CREB5: variants seen among roughly 807,000 people sequenced by gnomAD.
CREB5 encodes the protein cAMP responsive element binding protein 5, also known as cyclic AMP-responsive element-binding protein 5.
CREB5 carries 19 observed loss-of-function variants against 57.1 expected under a neutral mutation model. The ratio of observed to expected loss-of-function variants is 0.33; its 90% CI spans 0.23 to 0.49. The LOEUF (loss-of-function observed/expected upper bound fraction) is 0.49. Among genes scored for constraint, CREB5 ranks in the 20% least tolerant of loss-of-function variants. The pLI, the probability that CREB5 is intolerant of heterozygous loss-of-function variation, is 0.99. For synonymous variants in CREB5, 238 were observed against 238.3 expected (o/e 1.00, Z 0.01); for missense variants, 579 against 671.6 (o/e 0.86, Z 1.52).
intron 4 of CREB5, among the ~76,000 whole-genome samples, chr7:28,550,648 G>A (rs1794600668): frequency 6.6e-6 from 1 of 152,088 alleles, no homozygotes; most frequent in Non-Finnish European, 1.5e-5. Context: ...ATGTTCTTGG[G>A]CTGTCCCCAG....
intron 5 of CREB5, chr7:28,615,474 G>A (rs1454780225): frequency 1.3e-5 from 2 of 152,276 alleles, no homozygotes; most frequent in Non-Finnish European, 2.9e-5. Flanking sequence ...CAGTGTCCTC[G>A]AGCAGACAGG....
chr7:28,461,597 C>G (rs982564269), intron 1 of CREB5, among the ~76,000 whole-genome samples: 1 of 152,124 alleles, frequency 6.6e-6, no homozygotes, highest in African/African-American at 2.4e-5. Context: ...CTGATGTGAG[C>G]TAATGGCTGA....
Position 28,400,308 on chromosome 7 carries a change from T to C in CREB5, c.-24-94598T>C, listed in dbSNP as rs187352974. On this transcript the variant is annotated intron_variant, in intron 1 of 9. Coordinates refer to the CREB5 transcript ENST00000396299. The stretch of plus-strand genomic sequence containing the variant: ...TTCAGTTCTCTCATTAATAAAATAG[T>C]AGTAATCATACCTTTCACCCAGAGT... 1.9e-4 allele frequency among the ~76,000 whole-genome samples: 29 copies of C among 152,278 alleles called. 2 individuals are homozygous for C. The highest frequency in any genetic ancestry group is 7.0e-4 in the African/African-American group (29 of 41,574).
chr7:28,808,687 C>A (rs1464914530), intron 8 of CREB5, among the ~76,000 whole-genome samples: 1 of 145,816 alleles, frequency 6.9e-6, no homozygotes, highest in African/African-American at 2.5e-5. Flanking sequence ...TACAGGCATG[C>A]GCCACCATGC....
chr7:28,660,902 C>T (rs1420369547), intron 5 of CREB5, among the ~76,000 whole-genome samples: 1 of 152,168 alleles, frequency 6.6e-6, no homozygotes, highest in Non-Finnish European at 1.5e-5. Flanking sequence ...CTTCACAAAC[C>T]TCTCCCTTAG....
chr7:28,497,124 T>C (rs968054948), intron 3 of CREB5, among the ~76,000 whole-genome samples: 1 of 152,042 alleles, frequency 6.6e-6, no homozygotes, highest in Admixed American at 6.6e-5. Context: ...GGGAGGTGAG[T>C]TTAGGGAATG....
chr7:28,322,260 C>T (rs1287955398), intron 1 of CREB5, among the ~76,000 whole-genome samples: 2 of 152,012 alleles, frequency 1.3e-5, no homozygotes, highest in Admixed American at 1.3e-4. Context: ...TACCCACTTA[C>T]TAAGTGGGTA....
At chr7:28,511,726 T>C (rs1285869420) in intron 4 of CREB5, among the ~76,000 whole-genome samples, 1 of 152,212 alleles carries the variant, frequency 6.6e-6, no homozygotes, top group Non-Finnish European at 1.5e-5. Context: ...ACTCAAGTGA[T>C]CTGCCCGCCT....
chr7:28,632,455 C>T (rs891499348), intron 5 of CREB5, among the ~76,000 whole-genome samples: 17 of 152,154 alleles, frequency 1.1e-4, no homozygotes, highest in South Asian at 2.1e-4. Flanking sequence ...TTCTTCTCTC[C>T]CTCTCTCCTG....
chr7:28,389,113 C>G lies in CREB5; in HGVS notation c.-25+89672C>G, dbSNP rs547465392. On this transcript the variant is annotated intron_variant, in intron 1 of 9. Transcript: ENST00000396299. ...AGTTTATCAACAGCGTCAGAGCTTTCTCACATGCAAAAGCCTCACGTTCAT... is the reference window on the plus strand; with the variant it reads ...AGTTTATCAACAGCGTCAGAGCTTTGTCACATGCAAAAGCCTCACGTTCAT... Among the ~76,000 whole-genome samples, 127 of 152,290 alleles carry G rather than the reference C, an allele frequency of 8.3e-4. No homozygotes were observed. In the Middle Eastern group the frequency reaches 0.017, roughly 20 times the overall value.
intron 5 of CREB5, among the ~76,000 whole-genome samples, chr7:28,592,579 T>C (rs1179562483): frequency 6.6e-6 from 1 of 152,094 alleles, no homozygotes; most frequent in Non-Finnish European, 1.5e-5. Flanking sequence ...GCAGCTGGGA[T>C]GGTTAGCTCA....
chr7:28,405,026 A>G (rs1204275697), intron 1 of CREB5, among the ~76,000 whole-genome samples: 1 of 152,252 alleles, frequency 6.6e-6, no homozygotes, highest in Non-Finnish European at 1.5e-5. Flanking sequence ...GAAAATGCAC[A>G]TAAATCCCTT....
chr7:28,432,036 A>ATATT (rs1788737859), intron 1 of CREB5, among the ~76,000 whole-genome samples: 1 of 136,770 alleles, frequency 7.3e-6, no homozygotes, highest in South Asian at 2.3e-4. Flanking sequence ...CGAATTAGCT[A>ATATT]TATTGCAGTG....
chr7:28,680,827 G>T (rs1247989339), intron 5 of CREB5, among the ~76,000 whole-genome samples: 1 of 151,404 alleles, frequency 6.6e-6, no homozygotes, highest in East Asian at 1.9e-4. Flanking sequence ...AGTTCTTCCT[G>T]TAGTGCCCAC....
intron 5 of CREB5, among the ~76,000 whole-genome samples, chr7:28,663,476 G>A (rs1443157249): frequency 5.3e-5 from 8 of 152,202 alleles, no homozygotes. Flanking sequence ...AAAGTGTTGG[G>A]ATTATGGGTG....
At chr7:28,717,759 G>A (rs1265403311) in intron 5 of CREB5, among the ~76,000 whole-genome samples, 3 of 152,192 alleles carry the variant, frequency 2.0e-5, no homozygotes, top group African/African-American at 4.8e-5. Context: ...TAACATGGAA[G>A]CCTCAGAGGT....
At chr7:28,516,774 G>T in intron 4 of CREB5, among the ~76,000 whole-genome samples, 1 of 152,230 alleles carries the variant, frequency 6.6e-6, no homozygotes, top group East Asian at 1.9e-4. Flanking sequence ...TGTTTAAATC[G>T]CTTCTTACCT....
intron 1 of CREB5, among the ~76,000 whole-genome samples, chr7:28,391,959 C>G (rs1562688568): frequency 6.6e-6 from 1 of 152,120 alleles, no homozygotes; most frequent in South Asian, 2.1e-4. Context: ...TTCACAAAAT[C>G]CTGTCCTTTG....
intron 7 of CREB5, among the ~76,000 whole-genome samples, chr7:28,757,465 G>A (rs1252922873): frequency 6.6e-6 from 1 of 152,160 alleles, no homozygotes; most frequent in Non-Finnish European, 1.5e-5. Context: ...GAGGTCAGGA[G>A]ATCGAGACCA....
Sources: allele counts gnomAD v4.1 joint callset (sites outside exome capture counted in the v4.1 genomes callset), GRCh38; gene constraint gnomAD v4.1.1; transcripts MANE v1.5; gene names NCBI Gene and HGNC (gene_info 2026-07-23, HGNC 2026-07-21).